TAFA5: variants seen among roughly 807,000 people sequenced by gnomAD.
TAFA5 encodes chemokine-like protein TAFA-5.
A neutral mutation model predicts 15.3 loss-of-function variants in TAFA5; 6 were observed. That is an observed-to-expected ratio of 0.39 (90% CI 0.21 to 0.77). The LOEUF (loss-of-function observed/expected upper bound fraction) is 0.77. Ranked by LOEUF, TAFA5 falls within the 30% of genes least tolerant of loss-of-function variation. The pLI is 0.41. For synonymous variants in TAFA5, 103 were observed against 80.7 expected, an observed-to-expected ratio of 1.28 and a Z score of -1.48; for missense variants, 161 against 193.1, an observed-to-expected ratio of 0.83 and a Z score of 0.98.
At chr22:48,549,443 G>A (rs1569022139) in intron 1 of TAFA5, among the ~76,000 whole-genome samples, 1 of 152,244 alleles carries the variant, frequency 6.6e-6, no homozygotes, top group Non-Finnish European at 1.5e-5. Flanking sequence ...GAACTTTGGT[G>A]CAGCAAATGA....
intron 1 of TAFA5, among the ~76,000 whole-genome samples, chr22:48,625,639 A>T (rs1251839344): frequency 6.6e-6 from 1 of 152,104 alleles, no homozygotes; most frequent in Non-Finnish European, 1.5e-5. Flanking sequence ...TATTTCACAC[A>T]TTTACAACAC....
chr22:48,658,826 G>A (rs1927337012), intron 2 of TAFA5, among the ~76,000 whole-genome samples: 1 of 152,218 alleles, frequency 6.6e-6, no homozygotes, highest in Non-Finnish European at 1.5e-5. Context: ...GTGGCCTCTT[G>A]GGCTCCCAGG....
intron 1 of TAFA5, among the ~76,000 whole-genome samples, chr22:48,548,970 C>T (rs536323586): frequency 2.0e-5 from 3 of 152,290 alleles, no homozygotes; most frequent in Admixed American, 1.3e-4. Flanking sequence ...GCTGGAAGAG[C>T]CTTTTGGCCA....
intron 1 of TAFA5, among the ~76,000 whole-genome samples, chr22:48,502,440 G>C (rs1920957730): frequency 6.6e-6 from 1 of 152,136 alleles, no homozygotes; most frequent in Non-Finnish European, 1.5e-5. Flanking sequence ...GGCTTTTGCA[G>C]CAGTTACAGT....
intron 2 of TAFA5, among the ~76,000 whole-genome samples, chr22:48,669,329 C>G (rs1339073307): frequency 2.0e-5 from 3 of 152,260 alleles, no homozygotes; most frequent in Non-Finnish European, 4.4e-5. Flanking sequence ...TGAGCTTCGC[C>G]TGCAGGGAAA....
At chr22:48,726,359 G>A (rs1248874834) in intron 3 of TAFA5, among the ~76,000 whole-genome samples, 3 of 152,234 alleles carry the variant, frequency 2.0e-5, no homozygotes, top group Non-Finnish European at 4.4e-5. Flanking sequence ...GGAGGTGGGG[G>A]GCACTTACAT....
chr22:48,730,860 T>G (rs962446441), intron 3 of TAFA5, among the ~76,000 whole-genome samples: 20 of 152,112 alleles, frequency 1.3e-4, no homozygotes, highest in African/African-American at 4.8e-4. Flanking sequence ...TTAGGCTAAT[T>G]AATAACCCTA....
At chr22:48,574,971 G>C (rs1482396362) in intron 1 of TAFA5, among the ~76,000 whole-genome samples, 1 of 152,234 alleles carries the variant, frequency 6.6e-6, no homozygotes, top group African/African-American at 2.4e-5. Context: ...CTTGGGTGCA[G>C]GGCAGCTGGC....
intron 2 of TAFA5, 122 bp from the exon 3 acceptor site, chr22:48,707,595 G>A: frequency 1.6e-6 from 2 of 1,218,878 alleles, no homozygotes; most frequent in Non-Finnish European, 2.3e-6. Context: ...GTCCCTGGGT[G>A]GAGCCACGCC....
At chr22:48,637,897 GC>G (rs1926508830) in intron 1 of TAFA5, among the ~76,000 whole-genome samples, 1 of 152,118 alleles carries the variant, frequency 6.6e-6, no homozygotes, top group Admixed American at 6.5e-5. Flanking sequence ...CCTGTGTAAA[GC>G]CTTGAAAACA....
intron 1 of TAFA5, among the ~76,000 whole-genome samples, chr22:48,525,112 C>A (rs956585159): frequency 5.9e-5 from 9 of 152,208 alleles, no homozygotes; most frequent in Admixed American, 6.5e-5. Context: ...TGGAGCCCAC[C>A]TGGAGGGTCG....
intron 1 of TAFA5, among the ~76,000 whole-genome samples, chr22:48,577,661 G>A (rs1923866511): frequency 6.6e-6 from 1 of 152,208 alleles, no homozygotes. Context: ...CGGAGGCCTG[G>A]GGAAGCAGGT....
Position 48,503,318 on chromosome 22 carries a change from G to A in TAFA5, c.112+13614G>A, listed in dbSNP as rs1283075470. Among the ~76,000 whole-genome samples, 5 of 152,368 alleles carry A rather than the reference G, an allele frequency of 3.3e-5. No homozygotes were observed. The East Asian group carries it at 9.6e-4, about 29-fold the overall frequency. Reference sequence around the variant, plus strand: ...AAAGTCTGGCTGGTGCCAGGTGCATGGGAAGCCACTGACTCGTGGGCCCCT... The same window carrying A: ...AAAGTCTGGCTGGTGCCAGGTGCATAGGAAGCCACTGACTCGTGGGCCCCT... On this transcript the variant is annotated intron_variant, in intron 1 of 3. Coordinates refer to ENST00000402357, the MANE Select transcript of TAFA5 (RefSeq NM_001082967.3).
chr22:48,620,076 G>T (rs1396152586), intron 1 of TAFA5, among the ~76,000 whole-genome samples: 1 of 152,174 alleles, frequency 6.6e-6, no homozygotes, highest in Non-Finnish European at 1.5e-5. Flanking sequence ...GGAGGATGGC[G>T]GCGTCGAGGA....
intron 1 of TAFA5, among the ~76,000 whole-genome samples, chr22:48,563,168 G>A (rs766569810): frequency 2.6e-5 from 4 of 152,152 alleles, no homozygotes; most frequent in Non-Finnish European, 4.4e-5. Flanking sequence ...TGGCCCCCAA[G>A]AGCCCTGTGG....
chr22:48,667,243 C>T lies in TAFA5; in HGVS notation c.262+20497C>T, dbSNP rs546320055. Among the ~76,000 whole-genome samples the T allele has an allele frequency of 7.4e-4, 113 of 152,112 alleles. 1 individual carries two copies. The highest frequency in any genetic ancestry group is 2.7e-3 in the African/African-American group (112 of 41,520). ...CCCGCCCGCCCTCCCCAGCCAGCCC[C>T]GCACTGCATCTAAGAGCCACGCGCT... On this transcript the variant is annotated intron_variant, in intron 2 of 3. Coordinates refer to ENST00000402357, the MANE Select transcript of TAFA5 (RefSeq NM_001082967.3).
At chr22:48,651,314 G>A (rs1927045942) in intron 2 of TAFA5, among the ~76,000 whole-genome samples, 1 of 152,210 alleles carries the variant, frequency 6.6e-6, no homozygotes, top group Non-Finnish European at 1.5e-5. Context: ...GCACAGCGCA[G>A]ACCCATTGTC....
intron 1 of TAFA5, among the ~76,000 whole-genome samples, chr22:48,581,438 T>C (rs1373592253): frequency 2.6e-5 from 4 of 152,212 alleles, no homozygotes; most frequent in African/African-American, 4.8e-5. Context: ...GTTGCTGCCG[T>C]GCTGAGCACA....
intron 3 of TAFA5, among the ~76,000 whole-genome samples, chr22:48,748,953 C>CG (rs916891630): frequency 2.0e-5 from 3 of 152,082 alleles, no homozygotes; most frequent in African/African-American, 7.2e-5. Flanking sequence ...TGGCCAAGGT[C>CG]GGTTCAAGGG....
Sources: gnomAD v4.1 joint callset for allele counts (sites outside exome capture counted in the v4.1 genomes callset) on GRCh38, gnomAD v4.1.1 for gene constraint, MANE v1.5 for transcripts, NCBI Gene and HGNC (gene_info 2026-07-23, HGNC 2026-07-21) for gene names.